GYG1: variants seen among roughly 807,000 people sequenced by gnomAD.
GYG1 encodes glycogenin-1.
In GYG1, 44 loss-of-function variants were observed where a neutral mutation model predicts 41.9. The observed-to-expected ratio is 1.05, with a 90% CI of 0.83 to 1.35. The LOEUF is 1.35. Among genes scored for constraint, GYG1 ranks in the 40% most tolerant of loss-of-function variants. GYG1 has a pLI of 0.00. For missense variants in GYG1, 429 were observed against 418.9 expected (o/e 1.02, Z -0.21); for synonymous variants, 141 against 158.1 (o/e 0.89, Z 0.81).
At chr3:149,011,644 G>T (rs1375439093) in intron 5 of GYG1, among the ~76,000 whole-genome samples, 1 of 152,132 alleles carries the variant, frequency 6.6e-6, no homozygotes, top group African/African-American at 2.4e-5. Flanking sequence ...GACTTAATTT[G>T]CTAGAACCTT....
intron 4 of GYG1, among the ~76,000 whole-genome samples, chr3:149,007,309 A>G (rs1466279954): frequency 6.6e-6 from 1 of 152,228 alleles, no homozygotes; most frequent in African/African-American, 2.4e-5. Context: ...ATTTTGGGGT[A>G]TCTAAACATT....
intron 4 of GYG1, among the ~76,000 whole-genome samples, chr3:149,004,636 G>C (rs995226384): frequency 6.6e-6 from 1 of 152,156 alleles, no homozygotes; most frequent in Non-Finnish European, 1.5e-5. Context: ...CCACAATTTT[G>C]GACTAAATGA....
Position 148,997,780 on chromosome 3 carries a change from A to G in GYG1, c.481+876A>G, listed in dbSNP as rs796102689. Among the ~76,000 whole-genome samples, 58 of 152,366 alleles carry G rather than the reference A, an allele frequency of 3.8e-4. 1 individual carries two copies. The highest frequency in any genetic ancestry group is 1.4e-3 in the African/African-American group (57 of 41,592). On this transcript the variant is annotated intron_variant, in intron 4 of 7. Coordinates refer to ENST00000345003, the MANE Select transcript of GYG1 (RefSeq NM_004130.4). ...GAAGCCCTCCCAGCAGTGCCTCACT[A>G]TCAGATATGTGACATTGTAGCAGGG...
chr3:149,019,436 C>T (rs193262376), intron 5 of GYG1, among the ~76,000 whole-genome samples: 3 of 152,208 alleles, frequency 2.0e-5, no homozygotes, highest in African/African-American at 7.2e-5. Flanking sequence ...CCCACTCACC[C>T]CCTGTCTTGC....
At position 149,029,381 on chromosome 3, in the gene GYG1, C is replaced by T. The variant is rs183249832; in HGVS notation, c.*2448C>T. On this transcript the variant is annotated 3_prime_UTR_variant, in exon 8 of 8. Coordinates refer to ENST00000345003, the MANE Select transcript of GYG1 (RefSeq NM_004130.4). Reference sequence around the variant, plus strand: ...GTATGACCTTTGGTTGTAAGACAAACTTGCCCACAACAGAGGTCAAATCCA... The same window carrying T: ...GTATGACCTTTGGTTGTAAGACAAATTTGCCCACAACAGAGGTCAAATCCA... Among the ~76,000 whole-genome samples, 1 of 152,322 alleles carries T rather than the reference C, an allele frequency of 6.6e-6. No homozygotes were observed. The highest frequency in any genetic ancestry group is 6.5e-5 in the Admixed American group (1 of 15,308).
intron 5 of GYG1, among the ~76,000 whole-genome samples, chr3:149,022,727 C>G (rs1218412094): frequency 3.3e-5 from 5 of 151,828 alleles, no homozygotes; most frequent in African/African-American, 7.3e-5. Context: ...ATCTCCTGAC[C>G]TCGTGATTTG....
intron 5 of GYG1, among the ~76,000 whole-genome samples, chr3:149,016,335 C>G (rs1046913378): frequency 4.0e-5 from 6 of 148,736 alleles, no homozygotes; most frequent in African/African-American, 1.5e-4. Flanking sequence ...TGAAGGAAGG[C>G]AAAGTGTATG....
Position 148,996,457 on chromosome 3 carries a change from T to G in GYG1, c.299T>G (p.Phe100Cys), listed in dbSNP as rs767111601. 11 of 1,613,638 alleles carry G rather than the reference T, an allele frequency of 6.8e-6. No homozygotes were observed. The African/African-American group carries it at 1.5e-4, about 22-fold the overall frequency. ...CTTACACAGTATTCAAAATGTGTAT[T>G]CATGGATGCAGATACTCTGGTGAGT... ...WSLTQYSKCV[F>C]MDADTLVLAN... Residue 100 changes from phenylalanine to cysteine, a missense_variant, in exon 3 of 8, where the codon TTC (phenylalanine) becomes TGC (cysteine). Physicochemically the swap from Phe to Cys is radical, Grantham distance 205. Transcript: ENST00000345003.
rs947017063 is a variant in GYG1 at position 148,991,541 on chromosome 3, C to T, written c.-100C>T. On this transcript the variant is annotated 5_prime_UTR_variant, in exon 1 of 8. Coordinates refer to ENST00000345003, the MANE Select transcript of GYG1 (RefSeq NM_004130.4). ...GAGCGCACGGGGCAGACGCTCGGTT[C>T]CCCGCCGTGCCTCCTCGCTGGCCGC... 8 of 1,462,290 alleles carry T rather than the reference C, an allele frequency of 5.5e-6. No homozygotes were observed. Among genetic ancestry groups the T allele is most frequent in the African/African-American group, 2.8e-5 (2 of 70,526 alleles). The allele number at this position is 1,462,290 out of a possible 1,614,324, so 90.6% of individuals were successfully genotyped here.
At chr3:149,004,544 GA>G (rs1209067959) in intron 4 of GYG1, among the ~76,000 whole-genome samples, 4 of 152,192 alleles carry the variant, frequency 2.6e-5, no homozygotes, top group Non-Finnish European at 4.4e-5. Context: ...GTGCATTTGG[GA>G]AAAGGTGGTT....
rs755119396 is a variant in GYG1 at position 149,026,990 on chromosome 3, A to T, written c.*57A>T. The T allele has an allele frequency of 1.8e-5, 28 of 1,566,390 alleles. No individual in the cohort carries two copies. The highest frequency in any genetic ancestry group is 2.5e-5 in the Non-Finnish European group (28 of 1,136,328). On this transcript the variant is annotated 3_prime_UTR_variant, in exon 8 of 8. Transcript: ENST00000345003. ...TTCACAAGCCTTGTTTCTGATACTT[A>T]GTATCTAGAGCTGGGTTGAGAAAAG...
chr3:149,003,591 C>G (rs1713229385), intron 4 of GYG1, among the ~76,000 whole-genome samples: 1 of 152,108 alleles, frequency 6.6e-6, no homozygotes, highest in African/African-American at 2.4e-5. Context: ...AGAAGTCGTT[C>G]TTCAAAAGAC....
intron 4 of GYG1, 42 bp downstream of exon 4, chr3:148,996,946 T>G: frequency 6.9e-7 from 1 of 1,452,104 alleles, no homozygotes; most frequent in South Asian, 1.1e-5. Flanking sequence ...CTGTTAATAG[T>G]AATTTCTAGG....
intron 1 of GYG1, 79 bp from the exon 2 acceptor site, chr3:148,994,063 T>G: frequency 7.8e-7 from 1 of 1,285,766 alleles, no homozygotes; most frequent in Non-Finnish European, 1.1e-6. Flanking sequence ...GCTGAATTAC[T>G]GTTTGAATGG....
At chr3:149,009,702 G>A (rs1032281658) in intron 5 of GYG1, among the ~76,000 whole-genome samples, 1 of 152,162 alleles carries the variant, frequency 6.6e-6, no homozygotes. Flanking sequence ...CTTAAGCTCT[G>A]CAGACTTACA....
At chr3:148,991,912 C>G (rs368752344) in intron 1 of GYG1, among the ~76,000 whole-genome samples, 2 of 152,298 alleles carry the variant, frequency 1.3e-5, no homozygotes, top group East Asian at 3.9e-4. Flanking sequence ...CTCGTCCTTC[C>G]TCTTGCTCTC....
At position 149,026,452 on chromosome 3, in the gene GYG1, CT is replaced by C. The variant is rs760872938; in HGVS notation, c.832del (p.Ser278GlnfsTer93). The C allele has an allele frequency of 6.3e-7, 1 of 1,595,264 alleles. No homozygotes were observed. On this transcript the variant is annotated frameshift_variant and splice_region_variant, in exon 7 of 8. Coordinates refer to ENST00000345003, the MANE Select transcript of GYG1 (RefSeq NM_004130.4). LOFTEE classifies it high-confidence loss of function. ...ACACTTTCTAATGAACTGTTTGCAG[CT>C]TTCAGACTTGGTCTATACACTGGCT... ...VKDTCSYVNV[L>X]SDLVYTLAFS...
At chr3:148,999,722 T>C (rs1325366194) in intron 4 of GYG1, among the ~76,000 whole-genome samples, 1 of 152,128 alleles carries the variant, frequency 6.6e-6, no homozygotes, top group East Asian at 1.9e-4. Flanking sequence ...GTAAATAGTC[T>C]TAAATATAAA....
chr3:149,013,642 ATTTC>A (rs1440077448), intron 5 of GYG1, among the ~76,000 whole-genome samples: 3 of 152,130 alleles, frequency 2.0e-5, no homozygotes, highest in Non-Finnish European at 2.9e-5. Flanking sequence ...GGATATTAAT[ATTTC>A]TTTCTTTTTT....
Sources: allele counts gnomAD v4.1 joint callset (sites outside exome capture counted in the v4.1 genomes callset), GRCh38; gene constraint gnomAD v4.1.1; transcripts MANE v1.5; gene names NCBI Gene and HGNC (gene_info 2026-07-23, HGNC 2026-07-21).